ZNF469: variants seen among roughly 807,000 people sequenced by gnomAD.
The protein encoded by ZNF469 is zinc finger protein 469.
In ZNF469, 1 loss-of-function variant was observed where a neutral mutation model predicts 1.0. The observed-to-expected ratio is 1.00, with a 90% CI of 0.35 to 4.73. ZNF469 has a LOEUF of 4.73. Ranked by LOEUF, ZNF469 falls within the 30% of genes most tolerant of loss-of-function variation. The pLI, the probability that ZNF469 is intolerant of heterozygous loss-of-function variation, is 0.16. For missense variants in ZNF469, 6,100 were observed against 5,356.3 expected, an observed-to-expected ratio of 1.14 and a Z score of -4.33; for synonymous variants, 2,703 against 2,363.4, an observed-to-expected ratio of 1.14 and a Z score of -4.17.
In ZNF469 at chr16:88,439,385, C is replaced by A. The variant is rs1199177327; in HGVS notation, c.*53C>A. 6.5e-7 allele frequency: 1 copy of A among 1,540,688 alleles called. No homozygotes were observed. Among genetic ancestry groups the A allele is most frequent in the Admixed American group, 2.0e-5 (1 of 50,982 alleles). ...AGCTGGGCGTTCCTGTCTCGGCCTG[C>A]CTCCTTGGCCAGCTCCGGCTCCCTG... On this transcript the variant is annotated 3_prime_UTR_variant, in exon 3 of 3. Coordinates refer to ENST00000565624, the MANE Select transcript of ZNF469 (RefSeq NM_001367624.2).
chr16:88,112,432 C>A, the ZNF469 span, among the ~76,000 whole-genome samples: 74,421 of 152,026 alleles, frequency 0.49, 19,043 homozygotes, highest in Middle Eastern at 0.61. Context: ...TTCCCACATC[C>A]TTGCGAGCAT....
chr16:88,309,287 G>C, the ZNF469 span, among the ~76,000 whole-genome samples: 1 of 152,256 alleles, frequency 6.6e-6, no homozygotes, highest in African/African-American at 2.4e-5. Context: ...GCGGTGACCT[G>C]TGGTGGCCAG....
the ZNF469 span, among the ~76,000 whole-genome samples, chr16:88,222,552 G>GT: frequency 6.6e-6 from 1 of 152,232 alleles, no homozygotes; most frequent in African/African-American, 2.4e-5. Flanking sequence ...GAGGTTGGGA[G>GT]TTTGAGTCCA....
the ZNF469 span, among the ~76,000 whole-genome samples, chr16:88,139,365 G>C: frequency 6.6e-6 from 1 of 151,994 alleles, no homozygotes; most frequent in African/African-American, 2.4e-5. Flanking sequence ...GAAAATTGCT[G>C]TGAAAAGTGG....
intron 1 of ZNF469, among the ~76,000 whole-genome samples, chr16:88,407,246 A>C (rs946693573): frequency 1.5e-4 from 16 of 105,670 alleles, no homozygotes; most frequent in Non-Finnish European, 3.2e-4. Flanking sequence ...CGTCACTGGG[A>C]ATTGTCTCAG....
chr16:88,116,373 T>C, the ZNF469 span, among the ~76,000 whole-genome samples: 1 of 152,142 alleles, frequency 6.6e-6, no homozygotes. Context: ...AATGCCGCAG[T>C]GTAGACACAG....
the ZNF469 span, among the ~76,000 whole-genome samples, chr16:88,297,107 T>C: frequency 1.5e-4 from 23 of 152,302 alleles, no homozygotes; most frequent in African/African-American, 5.5e-4. Flanking sequence ...ACCAAAACAG[T>C]GTCGCCACGC....
In ZNF469 at chr16:88,432,622, C is replaced by A. The variant is rs1354179339; in HGVS notation, c.5152C>A (p.Gln1718Lys). The A allele has an allele frequency of 5.2e-6, 8 of 1,550,430 alleles. No individual in the cohort carries two copies. Among genetic ancestry groups the A allele is most frequent in the Middle Eastern group, 1.7e-4 (1 of 5,974 alleles). ...CQAEGDSRPPQDVCLPEPSKQ... is the reference protein window; with the variant it reads ...CQAEGDSRPPKDVCLPEPSKQ... Reference sequence around the variant, plus strand: ...GGCAGAAGGAGACAGCAGGCCCCCCCAAGATGTCTGCCTGCCTGAGCCCAG... The same window carrying A: ...GGCAGAAGGAGACAGCAGGCCCCCCAAAGATGTCTGCCTGCCTGAGCCCAG... Residue 1718 changes from glutamine (Q) to lysine (K), a missense_variant, in exon 3 of 3, where the codon CAA (glutamine) becomes AAA (lysine). By Grantham distance (53) the Gln-to-Lys change is moderately conservative. Transcript: ENST00000565624.
At chr16:88,103,264 C>T in the ZNF469 span, among the ~76,000 whole-genome samples, 18 of 152,328 alleles carry the variant, frequency 1.2e-4, no homozygotes, top group East Asian at 1.5e-3. Context: ...GCTTCCTGGC[C>T]GCCCTTCGGC....
chr16:88,182,154 G>A, the ZNF469 span, among the ~76,000 whole-genome samples: 24 of 152,180 alleles, frequency 1.6e-4, no homozygotes, highest in East Asian at 4.6e-3. Flanking sequence ...AATACTTAAT[G>A]ATAAATCTTA....
chr16:88,308,116 G>T, the ZNF469 span, among the ~76,000 whole-genome samples: 1 of 152,106 alleles, frequency 6.6e-6, no homozygotes, highest in African/African-American at 2.4e-5. Flanking sequence ...AAACTGCCTT[G>T]GTGCCCTTGT....
chr16:88,234,868 C>T, the ZNF469 span: 1 of 152,148 alleles, frequency 6.6e-6, no homozygotes, highest in Non-Finnish European at 1.5e-5. Flanking sequence ...GCCTGACTCA[C>T]AGGAAGGGAG....
chr16:88,303,063 C>T, the ZNF469 span, among the ~76,000 whole-genome samples: 1 of 152,182 alleles, frequency 6.6e-6, no homozygotes, highest in Non-Finnish European at 1.5e-5. Flanking sequence ...GGTTGAACTC[C>T]AATCTGACGG....
At position 88,436,932 on chromosome 16, in the gene ZNF469, C is replaced by T. The variant is rs759941304; in HGVS notation, c.9462C>T (p.Gly3154=). 3.6e-5 allele frequency: 54 copies of T among 1,492,630 alleles called. No individual in the cohort carries two copies. The African/African-American group carries it at 6.5e-4, about 18-fold the overall frequency. 92.5% of individuals were successfully genotyped at this position (1,492,630 alleles called of 1,614,324 possible). ...TCYMCVERRF[G]SRELLRGHLQ... ...ACATGTGCGTGGAGCGCAGGTTTGG[C>T]TCGCGGGAGCTGCTGCGGGGGCACC... Residue 3154 remains glycine (G), a synonymous_variant, in exon 3 of 3, where the codon GGC becomes GGT. Coordinates refer to ENST00000565624, the MANE Select transcript of ZNF469 (RefSeq NM_001367624.2).
chr16:88,165,069 G>A, the ZNF469 span, among the ~76,000 whole-genome samples: 6 of 152,238 alleles, frequency 3.9e-5, no homozygotes, highest in Admixed American at 2.0e-4. Context: ...GGCCATTGTG[G>A]GCAAGTGTGC....
At chr16:88,298,081 A>G in the ZNF469 span, among the ~76,000 whole-genome samples, 1 of 152,248 alleles carries the variant, frequency 6.6e-6, no homozygotes, top group Non-Finnish European at 1.5e-5. Context: ...GAATGGCACA[A>G]GGGCCTTAAG....
At chr16:88,158,450 G>C in the ZNF469 span, among the ~76,000 whole-genome samples, 2 of 152,122 alleles carry the variant, frequency 1.3e-5, no homozygotes, top group Non-Finnish European at 2.9e-5. Context: ...GGGAGGGTGG[G>C]AGAGCTCAGG....
the ZNF469 span, among the ~76,000 whole-genome samples, chr16:88,242,101 C>G: frequency 2.0e-5 from 3 of 152,202 alleles, no homozygotes; most frequent in African/African-American, 7.2e-5. Context: ...TCGCAGACAG[C>G]ACCACCTGCA....
the ZNF469 span, among the ~76,000 whole-genome samples, chr16:88,154,854 C>G: frequency 6.6e-6 from 1 of 152,184 alleles, no homozygotes; most frequent in East Asian, 1.9e-4. Context: ...TCTTCTCGCT[C>G]CAGATCATGG....
Sources: allele counts gnomAD v4.1 joint callset (sites outside exome capture counted in the v4.1 genomes callset), GRCh38; gene constraint gnomAD v4.1.1; transcripts MANE v1.5; gene names NCBI Gene and HGNC (gene_info 2026-07-23, HGNC 2026-07-21).